The following DLGAP2 variants were observed in gnomAD, a reference collection of about 807,000 sequenced individuals.
The protein encoded by DLGAP2 is disks large-associated protein 2.
A neutral mutation model predicts 100.3 loss-of-function variants in DLGAP2; 26 were observed. The ratio of observed to expected loss-of-function variants is 0.26; its 90% confidence interval spans 0.19 to 0.36. The LOEUF (loss-of-function observed/expected upper bound fraction) is 0.36, where lower values mean the gene tolerates loss of function less well. DLGAP2 is among the 10% of genes least tolerant of loss of function. The pLI, the probability that DLGAP2 is intolerant of heterozygous loss-of-function variation, is 1.00. For synonymous variants in DLGAP2, 886 were observed against 630.1 expected (o/e 1.41, Z -6.08); for missense variants, 1,858 against 1,453.2 (o/e 1.28, Z -4.53).
chr8:1,511,839 G>C lies in DLGAP2; in HGVS notation c.172+10408G>C, dbSNP rs528956227. ...AGGGCTGTCTAGTGTAAGACAATCAGTAGGTCACATGAGCAAAGGTGAACC... is the reference window on the plus strand; with the variant it reads ...AGGGCTGTCTAGTGTAAGACAATCACTAGGTCACATGAGCAAAGGTGAACC... On this transcript the variant is annotated intron_variant, in intron 4 of 14. Transcript: ENST00000637795. Among the ~76,000 whole-genome samples, 19 of 152,342 alleles carry C rather than the reference G, an allele frequency of 1.2e-4. No individual in the cohort carries two copies. The East Asian group carries it at 3.5e-3, about 28-fold the overall frequency.
At chr8:1,287,694 A>G (rs1274291556) in intron 3 of DLGAP2, among the ~76,000 whole-genome samples, 1 of 57,726 alleles carries the variant, frequency 1.7e-5, no homozygotes, top group Non-Finnish European at 2.8e-5. Flanking sequence ...GTTTCGGTTC[A>G]GTGTGTGTGT....
chr8:1,637,404 C>G (rs1225623181), intron 8 of DLGAP2, among the ~76,000 whole-genome samples: 2 of 151,966 alleles, frequency 1.3e-5, no homozygotes, highest in Non-Finnish European at 2.9e-5. Context: ...CAAATAGGCT[C>G]AGAAACTGTT....
At chr8:819,055 TC>T (rs1796538423) in intron 1 of DLGAP2, among the ~76,000 whole-genome samples, 1 of 152,208 alleles carries the variant, frequency 6.6e-6, no homozygotes, top group Non-Finnish European at 1.5e-5. Context: ...CTAATAAGCA[TC>T]AGTCTCATTT....
chr8:852,898 G>T (rs988371207), intron 1 of DLGAP2, among the ~76,000 whole-genome samples: 1 of 150,204 alleles, frequency 6.7e-6, no homozygotes, highest in African/African-American at 2.5e-5. Flanking sequence ...GGCCGATTCC[G>T]TTATTTCTGC....
intron 6 of DLGAP2, among the ~76,000 whole-genome samples, chr8:1,600,106 G>C (rs1013867869): frequency 2.0e-5 from 3 of 152,088 alleles, no homozygotes; most frequent in Non-Finnish European, 4.4e-5. Flanking sequence ...GTGTGTAAAG[G>C]ATTTTATTTC....
intron 2 of DLGAP2, among the ~76,000 whole-genome samples, chr8:1,029,746 A>T (rs569468934): frequency 2.0e-5 from 3 of 152,220 alleles, no homozygotes; most frequent in African/African-American, 7.2e-5. Flanking sequence ...GTTACAGGGG[A>T]TGGAAAGTCA....
At chr8:1,287,314 CGT>C (rs770250090) in intron 3 of DLGAP2, among the ~76,000 whole-genome samples, 39 of 75,622 alleles carry the variant, frequency 5.2e-4, no homozygotes, top group South Asian at 2.0e-3. Context: ...TTCGGTTCAG[CGT>C]GTGTGTGTGT....
Position 1,136,113 on chromosome 8 carries a change from T to C in DLGAP2, c.74-122738T>C, listed in dbSNP as rs144355276. Among the ~76,000 whole-genome samples the C allele has an allele frequency of 9.1e-3, 1,386 of 152,196 alleles. 18 individuals carry two copies. The highest frequency in any genetic ancestry group is 0.033 in the African/African-American group (1,352 of 41,520). Reference sequence around the variant, plus strand: ...ATTTGAGATTCCCCTTGCCTTCCTCTTGCTTCCAGGGGAAGCTGCCAGGTA... The same window carrying C: ...ATTTGAGATTCCCCTTGCCTTCCTCCTGCTTCCAGGGGAAGCTGCCAGGTA... On this transcript the variant is annotated intron_variant, in intron 2 of 14. Coordinates refer to ENST00000637795, the MANE Select transcript of DLGAP2 (RefSeq NM_001346810.2).
intron 2 of DLGAP2, among the ~76,000 whole-genome samples, chr8:1,131,565 C>G (rs916400176): frequency 2.0e-5 from 3 of 152,176 alleles, no homozygotes; most frequent in African/African-American, 7.2e-5. Flanking sequence ...TACCGTCCCA[C>G]TGGAGGTTAG....
At chr8:927,760 G>T (rs903167945) in intron 2 of DLGAP2, among the ~76,000 whole-genome samples, 17 of 152,134 alleles carry the variant, frequency 1.1e-4, no homozygotes, top group African/African-American at 4.1e-4. Context: ...TTAGAGTTGG[G>T]AATTACTGTT....
At position 934,737 on chromosome 8, in the gene DLGAP2, C is replaced by T. The variant is rs538848206; in HGVS notation, c.73+26771C>T. 3.9e-5 allele frequency among the ~76,000 whole-genome samples: 6 copies of T among 152,156 alleles called. No individual in the cohort carries two copies. The East Asian group carries it at 5.8e-4, about 15-fold the overall frequency. ...GAGGCGGTGGACCCCAGCCCTGTGC[C>T]GGCTCTCGGGGAGATGGAACATTTG... On this transcript the variant is annotated intron_variant, in intron 2 of 14. Coordinates refer to ENST00000637795, the MANE Select transcript of DLGAP2 (RefSeq NM_001346810.2).
At chr8:1,077,517 A>C (rs571810868) in intron 2 of DLGAP2, among the ~76,000 whole-genome samples, 226 of 152,288 alleles carry the variant, frequency 1.5e-3, no homozygotes, top group Admixed American at 3.1e-3. Flanking sequence ...CTGGACCCCA[A>C]TTCCATTCTG....
At chr8:945,283 C>T (rs1021616695) in intron 2 of DLGAP2, among the ~76,000 whole-genome samples, 1 of 152,192 alleles carries the variant, frequency 6.6e-6, no homozygotes, top group South Asian at 2.1e-4. Flanking sequence ...GTCCTCCCTC[C>T]TGGGAGTGGA....
intron 3 of DLGAP2, among the ~76,000 whole-genome samples, chr8:1,417,959 GA>G (rs112176608): frequency 0.036 from 5,406 of 151,314 alleles, 346 homozygotes; most frequent in African/African-American, 0.12. Context: ...CGTCTGTCGT[GA>G]AAAAAAAAGA....
intron 3 of DLGAP2, among the ~76,000 whole-genome samples, chr8:1,281,004 C>G (rs1039724489): frequency 6.6e-6 from 1 of 152,160 alleles, no homozygotes; most frequent in Non-Finnish European, 1.5e-5. Flanking sequence ...AGCTCCACGA[C>G]CTTGGTCAAG....
rs1380114850 is a variant in DLGAP2, at chr8:1,548,789, C to G, written c.336C>G (p.His112Gln). Residue 112 changes from histidine (H) to glutamine (Q), a missense_variant, in exon 5 of 15, where the codon CAC (histidine) becomes CAG (glutamine). By Grantham distance (24) the His-to-Gln change is conservative. Transcript: ENST00000637795. ...CGGAGGACTGCGAGCACCTGCACCA[C>G]GGGCCCGACGCGCGGCCGCCCTACC... ...APPEDCEHLHHGPDARPPYLL... is the reference protein window; with the variant it reads ...APPEDCEHLHQGPDARPPYLL... 6.3e-7 allele frequency: 1 copy of G among 1,586,330 alleles called. No homozygotes were observed. Among genetic ancestry groups the G allele is most frequent in the Admixed American group, 1.7e-5 (1 of 57,918 alleles).
intron 2 of DLGAP2, among the ~76,000 whole-genome samples, chr8:951,798 A>C (rs2129007972): frequency 6.6e-6 from 1 of 152,326 alleles, no homozygotes; most frequent in East Asian, 1.9e-4. Context: ...AGAGTAACTA[A>C]TGACCTTAGT....
intron 3 of DLGAP2, among the ~76,000 whole-genome samples, chr8:1,432,566 T>C (rs1466262801): frequency 6.6e-6 from 1 of 152,232 alleles, no homozygotes; most frequent in African/African-American, 2.4e-5. Flanking sequence ...GTGTGGAATT[T>C]ATGAAACTTT....
At position 1,250,861 on chromosome 8, in the gene DLGAP2, C is replaced by T. The variant is rs140165936; in HGVS notation, c.74-7990C>T. On this transcript the variant is annotated intron_variant, in intron 2 of 14. Coordinates refer to ENST00000637795, the MANE Select transcript of DLGAP2 (RefSeq NM_001346810.2). Reference sequence around the variant, plus strand: ...CTGATTACAGTCAGGCGCCAGGTAACGACGGGGTGACGCTCTGAGAAACGT... The same window carrying T: ...CTGATTACAGTCAGGCGCCAGGTAATGACGGGGTGACGCTCTGAGAAACGT... 1.7e-3 allele frequency among the ~76,000 whole-genome samples: 263 copies of T among 152,296 alleles called. 1 individual carries two copies. Among genetic ancestry groups the T allele is most frequent in the African/African-American group, 5.0e-3 (207 of 41,570 alleles).
Sources: allele counts gnomAD v4.1 joint callset (sites outside exome capture counted in the v4.1 genomes callset), GRCh38; gene constraint gnomAD v4.1.1; transcripts MANE v1.5; gene names NCBI Gene and HGNC (gene_info 2026-07-23, HGNC 2026-07-21).